The following KCND3 variants were observed in gnomAD, a reference collection of about 807,000 sequenced individuals.
The protein encoded by KCND3 is potassium voltage-gated channel subfamily D member 3, also known as A-type voltage-gated potassium channel KCND3.
Under a neutral mutation model 51.1 loss-of-function variants are expected in KCND3, and 9 were observed. That is an observed-to-expected ratio of 0.18 (90% CI 0.11 to 0.31). The LOEUF is 0.31. Among genes scored for constraint, KCND3 ranks in the 10% least tolerant of loss-of-function variants. KCND3 has a pLI of 1.00. For synonymous variants in KCND3, 349 were observed against 368.0 expected (o/e 0.95, Z 0.59); for missense variants, 526 against 903.8 (o/e 0.58, Z 5.36).
chr1:111,820,468 G>T (rs893088514), intron 2 of KCND3, among the ~76,000 whole-genome samples: 1 of 152,112 alleles, frequency 6.6e-6, no homozygotes, highest in Non-Finnish European at 1.5e-5. Flanking sequence ...GCCAACATGC[G>T]CCTGTTGCCT....
intron 2 of KCND3, among the ~76,000 whole-genome samples, chr1:111,968,085 C>G (rs1571918355): frequency 6.6e-6 from 1 of 152,134 alleles, no homozygotes; most frequent in Non-Finnish European, 1.5e-5. Context: ...ACACACAATG[C>G]GTGGGGGTGA....
chr1:111,948,532 C>T (rs527386540), intron 2 of KCND3, among the ~76,000 whole-genome samples: 7 of 152,216 alleles, frequency 4.6e-5, no homozygotes, highest in Non-Finnish European at 1.0e-4. Context: ...TTTCTTCTTT[C>T]TTCTGTTCTC....
chr1:111,860,239 A>G (rs535531005), intron 2 of KCND3, among the ~76,000 whole-genome samples: 1 of 152,248 alleles, frequency 6.6e-6, no homozygotes, highest in Non-Finnish European at 1.5e-5. Flanking sequence ...ACCCCTAAGA[A>G]GTAGCTATTG....
At chr1:111,969,516 G>A (rs114823897) in intron 2 of KCND3, among the ~76,000 whole-genome samples, 2,407 of 152,278 alleles carry the variant, frequency 0.016, 65 homozygotes, top group African/African-American at 0.054. Flanking sequence ...CTGATCAGTG[G>A]TAAGCTCTGA....
At chr1:111,972,772 G>A (rs1674412061) in intron 2 of KCND3, among the ~76,000 whole-genome samples, 1 of 152,140 alleles carries the variant, frequency 6.6e-6, no homozygotes. Flanking sequence ...CAAGCCTCAT[G>A]TTTTCTTTAT....
chr1:111,776,448 A>G (rs1379355247), intron 7 of KCND3, among the ~76,000 whole-genome samples, 170 bp from the exon 8 acceptor site: 1 of 152,166 alleles, frequency 6.6e-6, no homozygotes, highest in Non-Finnish European at 1.5e-5. Context: ...TTATTCCCAA[A>G]CTACCAGAAA....
chr1:111,792,207 A>C (rs1272111111), intron 2 of KCND3, among the ~76,000 whole-genome samples: 2 of 152,224 alleles, frequency 1.3e-5, no homozygotes, highest in South Asian at 4.1e-4. Flanking sequence ...GGAACAATGT[A>C]CCAGAGCCTG....
At chr1:111,814,191 C>T (rs146058451) in intron 2 of KCND3, among the ~76,000 whole-genome samples, 32 of 152,332 alleles carry the variant, frequency 2.1e-4, no homozygotes, top group Admixed American at 1.6e-3. Context: ...CCGGGCATTG[C>T]GTCAGACACC....
chr1:111,864,943 G>A (rs776359875), intron 2 of KCND3, among the ~76,000 whole-genome samples: 5 of 152,166 alleles, frequency 3.3e-5, no homozygotes, highest in African/African-American at 4.8e-5. Context: ...GCTCACATAC[G>A]AGAGAGGCAC....
intron 2 of KCND3, among the ~76,000 whole-genome samples, chr1:111,816,869 C>T (rs1053603170): frequency 1.3e-5 from 2 of 152,202 alleles, no homozygotes; most frequent in African/African-American, 2.4e-5. Context: ...ACTACATGCA[C>T]TCACACCTAC....
At chr1:111,824,119 C>CAAA (rs34971055) in intron 2 of KCND3, among the ~76,000 whole-genome samples, 1 of 118,954 alleles carries the variant, frequency 8.4e-6, no homozygotes, top group Non-Finnish European at 1.7e-5. Flanking sequence ...TCTCCAACTC[C>CAAA]AAAAAAAAAA....
intron 2 of KCND3, among the ~76,000 whole-genome samples, chr1:111,792,526 C>A (rs910296945): frequency 6.6e-6 from 1 of 152,184 alleles, no homozygotes; most frequent in Non-Finnish European, 1.5e-5. Context: ...TTCTCTCCAC[C>A]TCCGCTCAGT....
At chr1:111,887,332 A>G (rs1447843408) in intron 2 of KCND3, among the ~76,000 whole-genome samples, 1 of 152,126 alleles carries the variant, frequency 6.6e-6, no homozygotes, top group Non-Finnish European at 1.5e-5. Context: ...GTGCGGGTGG[A>G]GAGGGATGGG....
chr1:111,988,689 A>C (rs1675437446), intron 1 of KCND3: 1 of 152,190 alleles, frequency 6.6e-6, no homozygotes, highest in Admixed American at 6.5e-5. Context: ...TTACAAACAG[A>C]TCGCATTGTG....
At chr1:111,806,308 A>ATGCTC (rs1665569802) in intron 2 of KCND3, among the ~76,000 whole-genome samples, 1 of 152,204 alleles carries the variant, frequency 6.6e-6, no homozygotes, top group African/African-American at 2.4e-5. Flanking sequence ...TATCGTGGAC[A>ATGCTC]TGCTCGTGGC....
chr1:111,829,994 C>T (rs551669256), intron 2 of KCND3, among the ~76,000 whole-genome samples: 6 of 152,288 alleles, frequency 3.9e-5, no homozygotes, highest in Admixed American at 2.0e-4. Flanking sequence ...ATCGACTCTT[C>T]GGTGGCTATT....
intron 2 of KCND3, among the ~76,000 whole-genome samples, chr1:111,863,937 G>C (rs1024242918): frequency 6.6e-6 from 1 of 152,058 alleles, no homozygotes; most frequent in East Asian, 1.9e-4. Flanking sequence ...GAAGTGGGGA[G>C]GCTAGACTTG....
intron 2 of KCND3, among the ~76,000 whole-genome samples, chr1:111,836,731 GA>G (rs1667085003): frequency 2.7e-5 from 3 of 111,492 alleles, no homozygotes; most frequent in Admixed American, 2.5e-4. Context: ...GACCCCCAGC[GA>G]CCCCTGAGCC....
chr1:111,989,335 G>T (rs905443557), intron 1 of KCND3, among the ~76,000 whole-genome samples, 170 bp downstream of exon 1: 1 of 152,088 alleles, frequency 6.6e-6, no homozygotes, highest in African/African-American at 2.4e-5. Flanking sequence ...CGGGCCGGCT[G>T]TCTGCTCCCC....
Sources: gnomAD v4.1 joint callset for allele counts (sites outside exome capture counted in the v4.1 genomes callset) on GRCh38, gnomAD v4.1.1 for gene constraint, MANE v1.5 for transcripts, NCBI Gene and HGNC (gene_info 2026-07-23, HGNC 2026-07-21) for gene names.